The following DLG2 variants were observed in gnomAD, a reference collection of about 807,000 sequenced individuals.
The protein encoded by DLG2 is disks large homolog 2.
DLG2 carries 45 observed loss-of-function variants against 132.5 expected under a neutral mutation model. The observed-to-expected ratio is 0.34, with a 90% CI of 0.27 to 0.44. The LOEUF (loss-of-function observed/expected upper bound fraction) is 0.44, where lower values mean the gene tolerates loss of function less well. DLG2 is among the 20% of genes least tolerant of loss of function. The pLI is 1.00. For missense variants in DLG2, 1,045 were observed against 1,196.9 expected (o/e 0.87, Z 1.87); for synonymous variants, 424 against 419.6 (o/e 1.01, Z -0.13).
chr11:83,485,061 T>G (rs2093416820), intron 21 of DLG2, among the ~76,000 whole-genome samples: 1 of 152,228 alleles, frequency 6.6e-6, no homozygotes, highest in African/African-American at 2.4e-5. Context: ...GGGTATTAAC[T>G]TGATATTAAC....
At chr11:85,286,068 A>T in intron 3 of DLG2, 1 of 438,562 alleles carries the variant, frequency 2.3e-6, no homozygotes, top group South Asian at 1.7e-5. Flanking sequence ...AACCTCCAAG[A>T]AGTCAACAGG....
At chr11:84,756,567 A>T (rs2066901782) in intron 6 of DLG2, among the ~76,000 whole-genome samples, 1 of 152,172 alleles carries the variant, frequency 6.6e-6, no homozygotes, top group East Asian at 1.9e-4. Flanking sequence ...AGATAATTCC[A>T]CTTACCTTAG....
intron 6 of DLG2, among the ~76,000 whole-genome samples, chr11:84,711,330 AAGAGAGAGAGAGAGAG>A (rs760750088): frequency 1.1e-3 from 54 of 48,476 alleles, no homozygotes; most frequent in South Asian, 3.4e-3. Flanking sequence ...CAGAACCAGT[AAGAGAGAGAGAGAGAG>A]AGAGAGAGAG....
intron 5 of DLG2, among the ~76,000 whole-genome samples, chr11:85,124,657 A>G (rs1279441243): frequency 1.3e-5 from 2 of 152,224 alleles, no homozygotes; most frequent in Non-Finnish European, 2.9e-5. Context: ...AAACATACAT[A>G]CATGCAACAA....
At chr11:84,865,870 G>C (rs1056830558) in intron 6 of DLG2, among the ~76,000 whole-genome samples, 3 of 152,118 alleles carry the variant, frequency 2.0e-5, no homozygotes, top group Non-Finnish European at 4.4e-5. Context: ...GAATCTCCAG[G>C]GTAAAAGAAA....
intron 3 of DLG2, among the ~76,000 whole-genome samples, chr11:85,348,088 C>T (rs543000964): frequency 2.3e-4 from 34 of 145,680 alleles, no homozygotes; most frequent in Admixed American, 1.7e-3. Context: ...CTGGTTCAAG[C>T]GATTCTTCTG....
At chr11:83,643,154 T>C (rs1566232836) in intron 18 of DLG2, among the ~76,000 whole-genome samples, 1 of 151,890 alleles carries the variant, frequency 6.6e-6, no homozygotes, top group Non-Finnish European at 1.5e-5. Flanking sequence ...AAGTAATTCA[T>C]ACCAATGCAG....
At chr11:85,154,731 A>G in intron 4 of DLG2, 80 bp from the exon 5 acceptor site, 1 of 689,934 alleles carries the variant, frequency 1.4e-6, no homozygotes, top group Non-Finnish European at 2.4e-6. Flanking sequence ...GAATATACAC[A>G]TTAAAATATC....
chr11:84,687,144 A>G (rs1317739422), intron 6 of DLG2: 5 of 152,030 alleles, frequency 3.3e-5, no homozygotes, highest in Non-Finnish European at 7.4e-5. Flanking sequence ...TACATGCTCT[A>G]TTTCATTTTT....
intron 26 of DLG2, among the ~76,000 whole-genome samples, chr11:83,464,817 C>T (rs1366090155): frequency 7.0e-6 from 1 of 143,160 alleles, no homozygotes; most frequent in African/African-American, 2.5e-5. Flanking sequence ...TGAGTGTTTA[C>T]AATATGAAGA....
At chr11:85,421,350 T>C (rs1281021601) in intron 3 of DLG2, among the ~76,000 whole-genome samples, 1 of 151,616 alleles carries the variant, frequency 6.6e-6, no homozygotes. Flanking sequence ...CCTCCTGCGT[T>C]GATCTCGCTG....
At chr11:85,203,295 A>G (rs1275333494) in intron 4 of DLG2, among the ~76,000 whole-genome samples, 1 of 151,696 alleles carries the variant, frequency 6.6e-6, no homozygotes, top group Non-Finnish European at 1.5e-5. Context: ...CTAGATTAAG[A>G]CAAAAAAAGA....
intron 14 of DLG2, among the ~76,000 whole-genome samples, chr11:83,946,066 C>T (rs1479716858): frequency 4.7e-5 from 7 of 150,242 alleles, no homozygotes; most frequent in African/African-American, 9.8e-5. Context: ...CAAGGCTCAC[C>T]GCAACCTCTG....
intron 7 of DLG2, among the ~76,000 whole-genome samples, chr11:84,450,377 T>TA (rs1405378422): frequency 6.7e-6 from 1 of 150,032 alleles, no homozygotes; most frequent in Admixed American, 6.6e-5. Flanking sequence ...TTTGATTTAG[T>TA]ACTTAGAAAA....
intron 18 of DLG2, among the ~76,000 whole-genome samples, chr11:83,729,851 A>T (rs1376144785): frequency 6.6e-6 from 1 of 152,202 alleles, no homozygotes; most frequent in Non-Finnish European, 1.5e-5. Flanking sequence ...TGCTAAATGA[A>T]CATATGACCA....
At chr11:84,590,654 A>G (rs1035685114) in intron 6 of DLG2, among the ~76,000 whole-genome samples, 1 of 152,160 alleles carries the variant, frequency 6.6e-6, no homozygotes, top group Non-Finnish European at 1.5e-5. Flanking sequence ...GTAAAGTGCT[A>G]TAGTCTAACA....
At chr11:84,426,614 GTTA>G (rs1601909319) in intron 7 of DLG2, among the ~76,000 whole-genome samples, 1 of 152,086 alleles carries the variant, frequency 6.6e-6, no homozygotes, top group Non-Finnish European at 1.5e-5. Context: ...GTTCATTAAT[GTTA>G]TTATTATTAT....
rs193155269 is a variant in DLG2, at chr11:84,836,916, T to C, written c.357+274745A>G. On this transcript the variant is annotated intron_variant, in intron 6 of 27. Transcript: ENST00000376104. Reference sequence around the variant, plus strand: ...GGGTACATGTGCACAACGTGCAGGTTTGTTACAGATGTATACATGTGCCAT... The same window carrying C: ...GGGTACATGTGCACAACGTGCAGGTCTGTTACAGATGTATACATGTGCCAT... Among the ~76,000 whole-genome samples the C allele has an allele frequency of 2.6e-3, 401 of 152,014 alleles. 2 individuals carry two copies. Among genetic ancestry groups the C allele is most frequent in the African/African-American group, 9.4e-3 (391 of 41,532 alleles).
chr11:84,104,465 C>G (rs1187211371), intron 9 of DLG2, among the ~76,000 whole-genome samples: 1 of 152,062 alleles, frequency 6.6e-6, no homozygotes, highest in Non-Finnish European at 1.5e-5. Context: ...AACTACCTAT[C>G]TGGTACTATG....
Sources: gnomAD v4.1 joint callset for allele counts (sites outside exome capture counted in the v4.1 genomes callset) on GRCh38, gnomAD v4.1.1 for gene constraint, MANE v1.5 for transcripts, NCBI Gene and HGNC (gene_info 2026-07-23, HGNC 2026-07-21) for gene names.